The following CADM2 variants were observed in gnomAD, a reference collection of about 807,000 sequenced individuals.
CADM2 encodes cell adhesion molecule 2.
CADM2 carries 12 observed loss-of-function variants against 49.8 expected under a neutral mutation model. The observed-to-expected ratio is 0.24, with a 90% CI of 0.15 to 0.39. The LOEUF (loss-of-function observed/expected upper bound fraction) is 0.39. CADM2 is among the 10% of genes least tolerant of loss of function. The probability of loss-of-function intolerance (pLI) is 1.00; values close to 1 mark genes in which losing one functional copy is unlikely to be tolerated. For missense variants in CADM2, 378 were observed against 492.3 expected (o/e 0.77, Z 2.20); for synonymous variants, 214 against 175.4 (o/e 1.22, Z -1.74).
At chr3:85,705,865 AT>A (rs1403177154) in intron 1 of CADM2, among the ~76,000 whole-genome samples, 1 of 152,118 alleles carries the variant, frequency 6.6e-6, no homozygotes, top group Non-Finnish European at 1.5e-5. Flanking sequence ...ACCGTTTAAT[AT>A]TTTTTGTAGT....
At chr3:85,664,436 C>CA (rs1372603304) in intron 1 of CADM2, among the ~76,000 whole-genome samples, 1 of 151,866 alleles carries the variant, frequency 6.6e-6, no homozygotes, top group Non-Finnish European at 1.5e-5. Context: ...TTTCTAAGGA[C>CA]AAAAAACTTG....
chr3:85,213,754 A>G (rs61625828), intron 1 of CADM2, among the ~76,000 whole-genome samples: 1 of 151,620 alleles, frequency 6.6e-6, no homozygotes, highest in Non-Finnish European at 1.5e-5. Flanking sequence ...ATGTTTCATT[A>G]TTTTTTATAC....
intron 1 of CADM2, among the ~76,000 whole-genome samples, chr3:85,113,144 C>T (rs754420615): frequency 3.3e-5 from 5 of 152,018 alleles, no homozygotes; most frequent in Non-Finnish European, 7.4e-5. Context: ...CTAGATAAAG[C>T]TATGAGTTTG....
intron 6 of CADM2, among the ~76,000 whole-genome samples, chr3:85,933,147 GGC>G (rs1272141578): frequency 6.6e-6 from 1 of 151,972 alleles, no homozygotes; most frequent in African/African-American, 2.4e-5. Context: ...ATTTCCCTTT[GGC>G]ACATACTATT....
At chr3:85,600,368 C>T (rs918346887) in intron 1 of CADM2, among the ~76,000 whole-genome samples, 4 of 151,900 alleles carry the variant, frequency 2.6e-5, no homozygotes, top group Non-Finnish European at 2.9e-5. Context: ...CTGTCTTGTT[C>T]GTCAGCACTT....
At chr3:85,645,369 T>A (rs1328818886) in intron 1 of CADM2, among the ~76,000 whole-genome samples, 2 of 152,036 alleles carry the variant, frequency 1.3e-5, no homozygotes, top group Non-Finnish European at 2.9e-5. Flanking sequence ...TATAGAGACA[T>A]CTAGGTACCA....
At chr3:84,974,050 A>G (rs184026705) in intron 1 of CADM2, among the ~76,000 whole-genome samples, 2 of 152,232 alleles carry the variant, frequency 1.3e-5, no homozygotes. Flanking sequence ...ACAGGCTACA[A>G]ATATTCTTGG....
At chr3:85,637,463 G>A (rs1330060009) in intron 1 of CADM2, among the ~76,000 whole-genome samples, 2 of 148,268 alleles carry the variant, frequency 1.3e-5, no homozygotes, top group African/African-American at 2.5e-5. Context: ...TTAGCTGGGC[G>A]CGGTGGCGGG....
chr3:85,778,813 A>T (rs2070486894), intron 2 of CADM2, among the ~76,000 whole-genome samples: 1 of 151,978 alleles, frequency 6.6e-6, no homozygotes, highest in Admixed American at 6.6e-5. Context: ...TTCTCCTAAC[A>T]CTGCTTTAGT....
At chr3:84,980,696 C>T (rs575380308) in intron 1 of CADM2, among the ~76,000 whole-genome samples, 2 of 152,232 alleles carry the variant, frequency 1.3e-5, no homozygotes, top group South Asian at 2.1e-4. Context: ...TTCTTTGCTG[C>T]GTGACTTTAA....
At chr3:85,234,696 T>C (rs572534770) in intron 1 of CADM2, among the ~76,000 whole-genome samples, 151 of 152,292 alleles carry the variant, frequency 9.9e-4, no homozygotes, top group Non-Finnish European at 1.8e-3. Context: ...TCATATTATC[T>C]ACAGTTTTAT....
intron 2 of CADM2, among the ~76,000 whole-genome samples, chr3:85,783,212 T>C (rs2070763728): frequency 6.6e-6 from 1 of 152,220 alleles, no homozygotes; most frequent in Non-Finnish European, 1.5e-5. Context: ...TAGATTTATA[T>C]ACTTAAGATA....
chr3:85,147,936 C>T (rs1376156835), intron 1 of CADM2, among the ~76,000 whole-genome samples: 1 of 151,836 alleles, frequency 6.6e-6, no homozygotes, highest in African/African-American at 2.4e-5. Flanking sequence ...AGAATAGTAC[C>T]GTTATTAATT....
chr3:85,067,279 C>CTGTG (rs5850663), intron 1 of CADM2, among the ~76,000 whole-genome samples: 4 of 150,952 alleles, frequency 2.6e-5, no homozygotes, highest in African/African-American at 9.7e-5. Context: ...TCTAATTAAA[C>CTGTG]TGTGTGTGTG....
intron 8 of CADM2, among the ~76,000 whole-genome samples, chr3:85,995,297 A>G (rs546708253): frequency 6.6e-6 from 1 of 152,312 alleles, no homozygotes; most frequent in South Asian, 2.1e-4. Context: ...TTAAAAAGTC[A>G]TATTGGTATT....
intron 1 of CADM2, among the ~76,000 whole-genome samples, chr3:85,676,905 C>T (rs2065901050): frequency 6.6e-6 from 1 of 152,102 alleles, no homozygotes; most frequent in South Asian, 2.1e-4. Flanking sequence ...ACTTATATCC[C>T]ATTCAATATA....
At chr3:85,024,666 C>CTT (rs5850662) in intron 1 of CADM2, among the ~76,000 whole-genome samples, 122 of 146,856 alleles carry the variant, frequency 8.3e-4, no homozygotes, top group South Asian at 3.4e-3. Flanking sequence ...TATAGTTTTT[C>CTT]TTTTTTTTTT....
chr3:85,046,251 A>G (rs975543812), intron 1 of CADM2, among the ~76,000 whole-genome samples: 2 of 152,014 alleles, frequency 1.3e-5, no homozygotes, highest in African/African-American at 4.8e-5. Context: ...CAAAATGCAT[A>G]CAAAGGTTCA....
chr3:85,589,256 A>G (rs1643899581), intron 1 of CADM2, among the ~76,000 whole-genome samples: 1 of 152,028 alleles, frequency 6.6e-6, no homozygotes. Context: ...CTTGTTTGAG[A>G]GCTCCCATGT....
Sources: gnomAD v4.1 joint callset for allele counts (sites outside exome capture counted in the v4.1 genomes callset) on GRCh38, gnomAD v4.1.1 for gene constraint, MANE v1.5 for transcripts, NCBI Gene and HGNC (gene_info 2026-07-23, HGNC 2026-07-21) for gene names.